The following PLXNA4 variants were observed in gnomAD, a reference collection of about 807,000 sequenced individuals.
PLXNA4 encodes the protein plexin-A4.
In PLXNA4, 44 loss-of-function variants were observed where a neutral mutation model predicts 191.8. The ratio of observed to expected loss-of-function variants is 0.23; its 90% CI spans 0.18 to 0.29. The LOEUF is 0.29. Among genes scored for constraint, PLXNA4 ranks in the 10% least tolerant of loss-of-function variants. PLXNA4 has a pLI of 1.00. For synonymous variants in PLXNA4, 1,082 were observed against 1,009.5 expected, an observed-to-expected ratio of 1.07 and a Z score of -1.36; for missense variants, 1,800 against 2,488.8, an observed-to-expected ratio of 0.72 and a Z score of 5.89.
At chr7:132,581,951 G>A (rs1201020096), upstream of PLXNA4, among the ~76,000 whole-genome samples, 2 of 152,234 alleles carry the variant, frequency 1.3e-5, no homozygotes, top group Non-Finnish European at 2.9e-5. Context: ...AGGATATTGT[G>A]AGGTAAGGGG....
At chr7:132,456,095 T>A (rs772299347) in intron 3 of PLXNA4, among the ~76,000 whole-genome samples, 1 of 150,628 alleles carries the variant, frequency 6.6e-6, no homozygotes, top group Non-Finnish European at 1.5e-5. Flanking sequence ...GGGTCCCTCT[T>A]CGCATCTCCT....
At chr7:132,533,949 C>T (rs116053504) in intron 1 of PLXNA4, among the ~76,000 whole-genome samples, 1,854 of 140,498 alleles carry the variant, frequency 0.013, 20 homozygotes, top group Middle Eastern at 0.043. Context: ...ATTATTATTA[C>T]TATTATTATG....
chr7:132,459,709 G>A (rs547207758), intron 3 of PLXNA4, among the ~76,000 whole-genome samples: 2 of 152,276 alleles, frequency 1.3e-5, no homozygotes, highest in Admixed American at 1.3e-4. Context: ...TGTTGGTGGT[G>A]GGGATGCTGG....
intron 2 of PLXNA4, among the ~76,000 whole-genome samples, chr7:132,611,602 G>A (rs1377894764): frequency 6.6e-6 from 1 of 152,204 alleles, no homozygotes; most frequent in African/African-American, 2.4e-5. Flanking sequence ...TAAACAACCT[G>A]GGGCATGATC....
intron 1 of PLXNA4, among the ~76,000 whole-genome samples, chr7:132,567,309 C>T (rs1198766909): frequency 2.7e-5 from 4 of 150,088 alleles, no homozygotes; most frequent in East Asian, 3.9e-4. Context: ...CACCCCCCGC[C>T]GCAATCTATC....
At chr7:132,633,977 C>A (rs557066831) in intron 2 of PLXNA4, among the ~76,000 whole-genome samples, 21 of 151,976 alleles carry the variant, frequency 1.4e-4, no homozygotes, top group South Asian at 4.2e-4. Flanking sequence ...CACACACACA[C>A]AAACACACAG....
intron 4 of PLXNA4, among the ~76,000 whole-genome samples, chr7:132,246,765 T>A (rs1433790906): frequency 7.3e-6 from 1 of 137,832 alleles, no homozygotes; most frequent in Non-Finnish European, 1.5e-5. Context: ...CTGTTGTACA[T>A]GCAATCATCA....
chr7:132,629,469 C>A (rs1294478444), intron 2 of PLXNA4, among the ~76,000 whole-genome samples: 1 of 152,164 alleles, frequency 6.6e-6, no homozygotes. Context: ...GATGCCTAGA[C>A]CCTCTCCTGA....
chr7:132,475,103 G>C (rs1158749595), intron 3 of PLXNA4, among the ~76,000 whole-genome samples: 1 of 152,154 alleles, frequency 6.6e-6, no homozygotes, highest in Non-Finnish European at 1.5e-5. Context: ...CCCAGGCCTG[G>C]CTCTTAACAA....
intron 3 of PLXNA4, among the ~76,000 whole-genome samples, chr7:132,404,194 C>T (rs1794116268): frequency 6.6e-6 from 1 of 152,218 alleles, no homozygotes; most frequent in South Asian, 2.1e-4. Flanking sequence ...CTGAACCTTA[C>T]TAACCCTCCA....
At chr7:132,148,164 A>T (rs566521726) in intron 26 of PLXNA4, among the ~76,000 whole-genome samples, 165 bp from the exon 27 acceptor site, 4 of 152,152 alleles carry the variant, frequency 2.6e-5, no homozygotes, top group Non-Finnish European at 4.4e-5. Context: ...CAAGACACAG[A>T]TCTGGATACT....
At chr7:132,644,846 C>T (rs557956766) in intron 2 of PLXNA4, among the ~76,000 whole-genome samples, 1 of 152,160 alleles carries the variant, frequency 6.6e-6, no homozygotes, top group Non-Finnish European at 1.5e-5. Flanking sequence ...GACCTTGAGA[C>T]AAAAATCTCA....
rs766024709 is a variant in PLXNA4, at chr7:132,228,339, C to A, written c.1728+7G>T. On this transcript the variant is annotated splice_region_variant and intron_variant, in intron 6 of 31. Transcript: ENST00000321063. ...CTGGACCCCACCCCAACCCCCACGA[C>A]CCTTACCAGCACGTTGTACTGAGAG... 5 of 1,613,940 alleles carry A rather than the reference C, an allele frequency of 3.1e-6. No homozygotes were observed. In the South Asian group the frequency reaches 3.3e-5, roughly 11 times the overall value.
intron 30 of PLXNA4, among the ~76,000 whole-genome samples, chr7:132,133,568 G>C (rs1260117021): frequency 6.6e-6 from 1 of 152,078 alleles, no homozygotes; most frequent in East Asian, 1.9e-4. Flanking sequence ...ACAGACGCAA[G>C]GGATCTCCTC....
chr7:132,623,355 AAAT>A (rs1223473241), intron 2 of PLXNA4, among the ~76,000 whole-genome samples: 7 of 151,972 alleles, frequency 4.6e-5, no homozygotes, highest in African/African-American at 1.7e-4. Context: ...TCAAAAAATA[AAAT>A]AAAATAAAGA....
intron 2 of PLXNA4, among the ~76,000 whole-genome samples, chr7:132,644,817 T>C (rs973532573): frequency 6.6e-6 from 1 of 152,186 alleles, no homozygotes; most frequent in Non-Finnish European, 1.5e-5. Flanking sequence ...TTAGGACCTT[T>C]GACAAAAAGG....
chr7:132,630,727 G>T (rs1461362514), intron 2 of PLXNA4, among the ~76,000 whole-genome samples: 2 of 152,108 alleles, frequency 1.3e-5, no homozygotes, highest in African/African-American at 4.8e-5. Flanking sequence ...TAGCCAGGAT[G>T]GTCTCAATCT....
intron 1 of PLXNA4, among the ~76,000 whole-genome samples, chr7:132,567,909 G>A (rs1031665014): frequency 5.9e-5 from 9 of 152,180 alleles, no homozygotes; most frequent in South Asian, 2.1e-4. Context: ...GCAGGCCCAC[G>A]TCTCTAGGTC....
intron 2 of PLXNA4, among the ~76,000 whole-genome samples, chr7:132,632,482 A>G (rs1170154418): frequency 1.3e-5 from 2 of 152,154 alleles, no homozygotes; most frequent in South Asian, 4.1e-4. Flanking sequence ...CAAATGCTGG[A>G]GCTGAGTGTG....
Sources: allele counts gnomAD v4.1 joint callset (sites outside exome capture counted in the v4.1 genomes callset), GRCh38; gene constraint gnomAD v4.1.1; transcripts MANE v1.5; gene names NCBI Gene and HGNC (gene_info 2026-07-23, HGNC 2026-07-21).